Variants in RNLS observed in about 807,000 individuals in gnomAD.
The protein encoded by RNLS is renalase, FAD dependent amine oxidase, also known as renalase.
In RNLS, 39 loss-of-function variants were observed where a neutral mutation model predicts 39.8. The ratio of observed to expected loss-of-function variants is 0.98; its 90% confidence interval spans 0.76 to 1.28. The LOEUF is 1.28. Ranked by LOEUF, RNLS falls within the 50% of genes most tolerant of loss-of-function variation. The pLI, the probability that RNLS is intolerant of heterozygous loss-of-function variation, is 0.00. For missense variants in RNLS, 410 were observed against 413.3 expected, an observed-to-expected ratio of 0.99 and a Z score of 0.07; for synonymous variants, 147 against 150.7, an observed-to-expected ratio of 0.98 and a Z score of 0.18.
intron 3 of RNLS, among the ~76,000 whole-genome samples, chr10:88,577,995 T>G (rs1461189073): frequency 6.6e-6 from 1 of 152,184 alleles, no homozygotes; most frequent in Non-Finnish European, 1.5e-5. Context: ...TTGTGGGGTT[T>G]TAAACTCAAC....
intron 4 of RNLS, chr10:88,545,533 A>G: frequency 6.6e-6 from 3 of 451,156 alleles, no homozygotes; most frequent in Middle Eastern, 3.3e-4. Flanking sequence ...ATTCACTATC[A>G]CAAGTACAGC....
At chr10:88,315,773 C>A (rs962696129) in intron 5 of RNLS, among the ~76,000 whole-genome samples, 15 of 147,376 alleles carry the variant, frequency 1.0e-4, no homozygotes, top group Middle Eastern at 7.1e-3. Context: ...AAGTTAGTAG[C>A]CACCACTTTT....
chr10:88,334,899 C>T (rs943258459), intron 5 of RNLS, among the ~76,000 whole-genome samples: 4 of 151,956 alleles, frequency 2.6e-5, no homozygotes. Flanking sequence ...TAACTCTTGT[C>T]CCAGAAGGAA....
chr10:88,265,859 G>A, the RNLS span, among the ~76,000 whole-genome samples: 1 of 152,178 alleles, frequency 6.6e-6, no homozygotes, highest in African/African-American at 2.4e-5. Flanking sequence ...TGAGTAATAG[G>A]AGGGTCTGAG....
At chr10:88,363,492 T>G (rs1330730206) in intron 4 of RNLS, among the ~76,000 whole-genome samples, 1 of 152,138 alleles carries the variant, frequency 6.6e-6, no homozygotes, top group East Asian at 1.9e-4. Context: ...TTTGTTTGCC[T>G]GTCATTTTTC....
At chr10:88,298,508 G>A (rs985549957) in intron 6 of RNLS, among the ~76,000 whole-genome samples, 1 of 152,116 alleles carries the variant, frequency 6.6e-6, no homozygotes, top group African/African-American at 2.4e-5. Flanking sequence ...GTGAATTTTC[G>A]TGTGCAGTGT....
intron 4 of RNLS, among the ~76,000 whole-genome samples, chr10:88,406,966 C>A (rs792202): frequency 6.6e-6 from 1 of 151,854 alleles, no homozygotes. Flanking sequence ...CCAAACATCG[C>A]GTGTTCTCAC....
chr10:88,365,732 G>A (rs1426213989), intron 4 of RNLS, among the ~76,000 whole-genome samples: 1 of 151,976 alleles, frequency 6.6e-6, no homozygotes, highest in Non-Finnish European at 1.5e-5. Context: ...CCTTGTGCCA[G>A]TGTCTTTGTG....
intron 4 of RNLS, among the ~76,000 whole-genome samples, chr10:88,492,978 A>G (rs1480695700): frequency 6.6e-6 from 1 of 152,160 alleles, no homozygotes; most frequent in East Asian, 1.9e-4. Flanking sequence ...AAATGTATGA[A>G]ATTATTTAAG....
the RNLS span, among the ~76,000 whole-genome samples, chr10:88,235,342 T>A: frequency 8.0e-5 from 12 of 149,856 alleles, no homozygotes; most frequent in Non-Finnish European, 1.8e-4. Flanking sequence ...GTGATAAATA[T>A]GGTCATATGC....
intron 5 of RNLS, among the ~76,000 whole-genome samples, chr10:88,316,432 C>G (rs1174325280): frequency 6.6e-6 from 1 of 152,150 alleles, no homozygotes; most frequent in African/African-American, 2.4e-5. Flanking sequence ...GAGGCTTGTT[C>G]ACAGTGACGG....
chr10:88,317,778 AT>A (rs1845872137), intron 5 of RNLS, among the ~76,000 whole-genome samples: 1 of 152,132 alleles, frequency 6.6e-6, no homozygotes, highest in African/African-American at 2.4e-5. Flanking sequence ...TACAGAAGAG[AT>A]CCAGGACCTG....
chr10:88,227,132 CTG>C, the RNLS span, among the ~76,000 whole-genome samples: 3 of 152,220 alleles, frequency 2.0e-5, no homozygotes, highest in Non-Finnish European at 4.4e-5. Context: ...CCAAAAAAGA[CTG>C]AAATGTTTAC....
chr10:88,564,140 G>A (rs909270450), intron 4 of RNLS, among the ~76,000 whole-genome samples: 26 of 152,122 alleles, frequency 1.7e-4, no homozygotes. Context: ...GGTTATTAGA[G>A]TTTGCCTTCT....
rs142897170 is a variant in RNLS at position 88,322,663 on chromosome 10, T to C, written c.701-8022A>G. 7.2e-3 allele frequency among the ~76,000 whole-genome samples: 1,104 copies of C among 152,292 alleles called. 12 individuals are homozygous for C. Among genetic ancestry groups the C allele is most frequent in the African/African-American group, 0.025 (1,044 of 41,560 alleles). ...TTAAACTTCTTTACTTTATAAATTA[T>C]CTCTGGCAGTTCTTTATAGCAGTGT... On this transcript the variant is annotated intron_variant, in intron 5 of 6. Transcript: ENST00000331772.
At chr10:88,442,077 G>A (rs1389208266) in intron 4 of RNLS, among the ~76,000 whole-genome samples, 1 of 152,186 alleles carries the variant, frequency 6.6e-6, no homozygotes, top group East Asian at 1.9e-4. Flanking sequence ...AATTTGGAAA[G>A]ATTTAGAAGC....
intron 4 of RNLS, among the ~76,000 whole-genome samples, chr10:88,547,169 C>T (rs569675994): frequency 3.3e-5 from 5 of 152,294 alleles, no homozygotes; most frequent in Admixed American, 1.3e-4. Context: ...GTTCTGAGTT[C>T]AAGTCTTCCT....
the RNLS span, among the ~76,000 whole-genome samples, chr10:88,215,326 A>C: frequency 6.6e-6 from 1 of 152,298 alleles, no homozygotes; most frequent in South Asian, 2.1e-4. Flanking sequence ...ACCAAGGCTA[A>C]GAAAATAGAC....
chr10:88,330,480 T>C (rs1318344267), intron 5 of RNLS, among the ~76,000 whole-genome samples: 8 of 152,154 alleles, frequency 5.3e-5, no homozygotes, highest in Admixed American at 4.6e-4. Flanking sequence ...TGATGGTTTA[T>C]AGCATATCTT....
Sources: gnomAD v4.1 joint callset for allele counts (sites outside exome capture counted in the v4.1 genomes callset) on GRCh38, gnomAD v4.1.1 for gene constraint, MANE v1.5 for transcripts, NCBI Gene and HGNC (gene_info 2026-07-23, HGNC 2026-07-21) for gene names.